Variants in ST6GALNAC3 observed in about 807,000 individuals in gnomAD.
The protein encoded by ST6GALNAC3 is alpha-N-acetylgalactosaminide alpha-2,6-sialyltransferase 3.
ST6GALNAC3 carries 25 observed loss-of-function variants against 32.7 expected under a neutral mutation model. The observed-to-expected ratio is 0.76, with a 90% CI of 0.56 to 1.07. The LOEUF is 1.07. Among genes scored for constraint, ST6GALNAC3 ranks in the 50% least tolerant of loss-of-function variants. The probability of loss-of-function intolerance (pLI) is 0.00; values close to 1 mark genes in which losing one functional copy is unlikely to be tolerated. For missense variants in ST6GALNAC3, 355 were observed against 382.4 expected, an observed-to-expected ratio of 0.93 and a Z score of 0.60; for synonymous variants, 129 against 133.1, an observed-to-expected ratio of 0.97 and a Z score of 0.21.
rs1339691165 is a variant in ST6GALNAC3 at position 76,630,746 on chromosome 1, C to A, written c.*1940C>A. 1 of 985,502 alleles carries A rather than the reference C, an allele frequency of 1.0e-6. No individual in the cohort carries two copies. The highest frequency in any genetic ancestry group is 1.2e-6 in the Non-Finnish European group (1 of 829,856). 61.0% of individuals were successfully genotyped at this position (985,502 alleles called of 1,614,324 possible). ...CCATAAACATTACTAAGCCCCAGTTCTATCGTTGGAAGGAGTTGTTATTCT... is the reference window on the plus strand; with the variant it reads ...CCATAAACATTACTAAGCCCCAGTTATATCGTTGGAAGGAGTTGTTATTCT... On this transcript the variant is annotated 3_prime_UTR_variant, in exon 5 of 5. Coordinates refer to ENST00000328299, the MANE Select transcript of ST6GALNAC3 (RefSeq NM_152996.4).
At chr1:76,370,193 A>T (rs1650707940) in intron 2 of ST6GALNAC3, among the ~76,000 whole-genome samples, 1 of 152,182 alleles carries the variant, frequency 6.6e-6, no homozygotes, top group South Asian at 2.1e-4. Context: ...GATTCTCCCT[A>T]TTCCGTGTTG....
At chr1:76,213,959 C>G (rs1267064644) in intron 1 of ST6GALNAC3, among the ~76,000 whole-genome samples, 1 of 152,124 alleles carries the variant, frequency 6.6e-6, no homozygotes, top group Non-Finnish European at 1.5e-5. Context: ...AATGGGCCAC[C>G]TGCATCTCAG....
intron 1 of ST6GALNAC3, among the ~76,000 whole-genome samples, chr1:76,101,468 C>A (rs894690744): frequency 6.6e-6 from 1 of 152,098 alleles, no homozygotes; most frequent in African/African-American, 2.4e-5. Flanking sequence ...TTTCTGTATT[C>A]GTAAACACAG....
At chr1:76,257,331 T>C (rs2100716909) in intron 1 of ST6GALNAC3, among the ~76,000 whole-genome samples, 1 of 152,274 alleles carries the variant, frequency 6.6e-6, no homozygotes, top group East Asian at 1.9e-4. Context: ...ACGGGACTTA[T>C]AATAGTGGTT....
At chr1:76,110,856 C>G (rs1647880303) in intron 1 of ST6GALNAC3, among the ~76,000 whole-genome samples, 1 of 152,318 alleles carries the variant, frequency 6.6e-6, no homozygotes, top group Non-Finnish European at 1.5e-5. Context: ...TTGTGAAACA[C>G]TGAAGACATT....
chr1:76,476,844 C>T (rs1659388559), intron 3 of ST6GALNAC3, among the ~76,000 whole-genome samples: 2 of 152,162 alleles, frequency 1.3e-5, no homozygotes, highest in African/African-American at 4.8e-5. Context: ...GTACAAGTAG[C>T]TTGAATAGCC....
intron 1 of ST6GALNAC3, among the ~76,000 whole-genome samples, chr1:76,144,402 T>C (rs920415111): frequency 1.3e-5 from 2 of 152,258 alleles, no homozygotes; most frequent in East Asian, 1.9e-4. Context: ...CTACATCTTA[T>C]TTGTTTTTGT....
intron 1 of ST6GALNAC3, among the ~76,000 whole-genome samples, chr1:76,125,363 TG>T (rs997464260): frequency 6.6e-6 from 1 of 152,204 alleles, no homozygotes; most frequent in African/African-American, 2.4e-5. Flanking sequence ...GGCTGCTGGT[TG>T]GCTCTTTGTC....
In ST6GALNAC3 at chr1:76,633,625, C is replaced by G. The variant is rs549913202; in HGVS notation, c.*4819C>G. ...TCCCCAGAGCTAAAATGTCCTCATACTCAAACCAACTGTGCTGCCCAAGTT... is the reference window on the plus strand; with the variant it reads ...TCCCCAGAGCTAAAATGTCCTCATAGTCAAACCAACTGTGCTGCCCAAGTT... On this transcript the variant is annotated 3_prime_UTR_variant, in exon 5 of 5. Transcript: ENST00000328299. 3.9e-5 allele frequency: 6 copies of G among 152,298 alleles called. No individual in the cohort carries two copies. The East Asian group carries it at 1.2e-3, about 29-fold the overall frequency. 9.4% of individuals were successfully genotyped at this position (152,298 alleles called of 1,614,324 possible).
intron 3 of ST6GALNAC3, among the ~76,000 whole-genome samples, chr1:76,605,096 ACT>A (rs1227619695): frequency 6.6e-6 from 1 of 152,138 alleles, no homozygotes; most frequent in Non-Finnish European, 1.5e-5. Context: ...GCCTCCAGAG[ACT>A]CTATACAGGT....
chr1:76,331,672 C>T (rs899884624), intron 2 of ST6GALNAC3, among the ~76,000 whole-genome samples: 5 of 152,194 alleles, frequency 3.3e-5, no homozygotes, highest in African/African-American at 1.2e-4. Context: ...CCCTGTTTTC[C>T]TCACCACCTC....
At chr1:76,088,285 G>T (rs1646991161) in intron 1 of ST6GALNAC3, among the ~76,000 whole-genome samples, 2 of 152,184 alleles carry the variant, frequency 1.3e-5, no homozygotes, top group South Asian at 4.1e-4. Flanking sequence ...CACTTTGGTG[G>T]TCTGTCTCCT....
chr1:76,566,247 G>A (rs913110469), intron 3 of ST6GALNAC3, among the ~76,000 whole-genome samples: 14 of 152,166 alleles, frequency 9.2e-5, no homozygotes, highest in Admixed American at 4.6e-4. Flanking sequence ...TGAACAACTA[G>A]CAAGTAAAGA....
At chr1:76,330,451 G>T (rs778350418) in intron 2 of ST6GALNAC3, among the ~76,000 whole-genome samples, 24 of 152,178 alleles carry the variant, frequency 1.6e-4, no homozygotes, top group Non-Finnish European at 2.6e-4. Flanking sequence ...CCCGTGCCAG[G>T]CCAAGTAATT....
intron 3 of ST6GALNAC3, among the ~76,000 whole-genome samples, chr1:76,596,924 ATTTTAAGAGATGG>A (rs1245664987): frequency 2.0e-5 from 3 of 152,302 alleles, no homozygotes; most frequent in African/African-American, 7.2e-5. Flanking sequence ...CCTTGAGTTC[ATTTTAAGAGATGG>A]TTTTAAAGAT....
intron 2 of ST6GALNAC3, among the ~76,000 whole-genome samples, chr1:76,315,301 A>C (rs1335013270): frequency 2.0e-5 from 3 of 151,782 alleles, no homozygotes. Context: ...ATATTCTATA[A>C]CTCTACTGTA....
chr1:76,449,558 T>A (rs949151223), intron 3 of ST6GALNAC3, among the ~76,000 whole-genome samples: 6 of 152,238 alleles, frequency 3.9e-5, no homozygotes, highest in African/African-American at 1.4e-4. Context: ...ATGCTCCACA[T>A]CCTCACCAGC....
At chr1:76,614,718 C>CAAAAAAAAAAAAAAAAAA (rs55744575) in intron 3 of ST6GALNAC3, among the ~76,000 whole-genome samples, 1 of 67,534 alleles carries the variant, frequency 1.5e-5, no homozygotes, top group African/African-American at 6.8e-5. Flanking sequence ...GACTCCATCT[C>CAAAAAAAAAAAAAAAAAA]AAAAAAAAAA....
intron 1 of ST6GALNAC3, among the ~76,000 whole-genome samples, chr1:76,213,553 C>A (rs944894342): frequency 9.2e-5 from 14 of 152,290 alleles, no homozygotes; most frequent in Admixed American, 2.0e-4. Context: ...ATACTGCAAT[C>A]AAAGTACCTA....
Sources: allele counts gnomAD v4.1 joint callset (sites outside exome capture counted in the v4.1 genomes callset), GRCh38; gene constraint gnomAD v4.1.1; transcripts MANE v1.5; gene names NCBI Gene and HGNC (gene_info 2026-07-23, HGNC 2026-07-21).